Variants in DAB1 observed in about 807,000 individuals in gnomAD.
DAB1 encodes DAB adaptor protein 1.
In DAB1, 15 loss-of-function variants were observed where a neutral mutation model predicts 64.6. The ratio of observed to expected loss-of-function variants is 0.23; its 90% CI spans 0.16 to 0.36. The LOEUF is 0.36. DAB1 is among the 10% of genes least tolerant of loss of function. The probability of loss-of-function intolerance (pLI) is 1.00; values close to 1 mark genes in which losing one functional copy is unlikely to be tolerated. For synonymous variants in DAB1, 235 were observed against 251.9 expected, an observed-to-expected ratio of 0.93 and a Z score of 0.64; for missense variants, 596 against 706.7, an observed-to-expected ratio of 0.84 and a Z score of 1.78.
At chr1:58,541,843 G>A (rs1364257320) in intron 1 of DAB1, among the ~76,000 whole-genome samples, 2 of 151,958 alleles carry the variant, frequency 1.3e-5, no homozygotes, top group African/African-American at 4.8e-5. Context: ...CACACACAAA[G>A]GACATAAAGT....
At chr1:58,000,565 T>A (rs1570202309) in intron 5 of DAB1, among the ~76,000 whole-genome samples, 2 of 86,684 alleles carry the variant, frequency 2.3e-5, no homozygotes, top group East Asian at 3.2e-4. Flanking sequence ...CTTTTTTGCC[T>A]TTTTTTTTTT....
At chr1:57,964,208 T>G (rs1645597056) in intron 5 of DAB1, among the ~76,000 whole-genome samples, 1 of 152,212 alleles carries the variant, frequency 6.6e-6, no homozygotes, top group Non-Finnish European at 1.5e-5. Context: ...TGTATCATCA[T>G]GCCCTGCAGT....
intron 6 of DAB1, among the ~76,000 whole-genome samples, chr1:57,787,902 T>G (rs1234078832): frequency 2.6e-5 from 4 of 151,638 alleles, no homozygotes; most frequent in African/African-American, 9.7e-5. Context: ...AATAAGCCCA[T>G]GAAAAGATAC....
At chr1:58,163,185 A>C (rs946947636) in intron 4 of DAB1, among the ~76,000 whole-genome samples, 2 of 152,214 alleles carry the variant, frequency 1.3e-5, no homozygotes, top group African/African-American at 4.8e-5. Flanking sequence ...CCTAAGAGGG[A>C]GCCAGTGGAC....
chr1:58,398,543 G>A (rs1393567377), intron 3 of DAB1, among the ~76,000 whole-genome samples: 1 of 152,234 alleles, frequency 6.6e-6, no homozygotes, highest in Non-Finnish European at 1.5e-5. Context: ...AGATCGTAGA[G>A]TATAATAACC....
chr1:57,565,028 G>A (rs1488532238), intron 7 of DAB1, among the ~76,000 whole-genome samples: 1 of 152,180 alleles, frequency 6.6e-6, no homozygotes, highest in African/African-American at 2.4e-5. Context: ...AGAGAGAAAG[G>A]TCGGGTTACC....
In DAB1 at chr1:57,695,367, A is replaced by G. The variant is rs1379172861; in HGVS notation, n.552-45702T>C. Among the ~76,000 whole-genome samples the G allele has an allele frequency of 9.6e-4, 41 of 42,920 alleles. 2 individuals are homozygous for G. Among genetic ancestry groups the G allele is most frequent in the African/African-American group, 5.4e-3 (39 of 7,278 alleles). 28.2% of individuals were successfully genotyped at this position (42,920 alleles called of 152,430 possible). A position where few individuals can be genotyped will look rare whatever the true frequency, so the allele number is the denominator to read the frequency against. ...AAGAAAGAAAGAAAAGAAAGAAGAA[A>G]GAAAGAAAGAAAGAAAGAAAGAAAG... On this transcript the variant is annotated intron_variant and non_coding_transcript_variant, in intron 6 of 20. Coordinates refer to the DAB1 transcript ENST00000485760.
At chr1:57,107,105 T>C (rs1240740354) in intron 4 of DAB1, among the ~76,000 whole-genome samples, 2 of 152,086 alleles carry the variant, frequency 1.3e-5, no homozygotes, top group Non-Finnish European at 2.9e-5. Flanking sequence ...CCAGGCATGG[T>C]GGCTCACGCC....
chr1:57,367,043 C>T (rs562957593), intron 1 of DAB1, among the ~76,000 whole-genome samples: 97 of 91,702 alleles, frequency 1.1e-3, no homozygotes, highest in East Asian at 0.01. Context: ...CCTGTCTCCA[C>T]AAAATAAAAT....
At chr1:58,032,595 G>C (rs1646987682) in intron 5 of DAB1, among the ~76,000 whole-genome samples, 1 of 152,158 alleles carries the variant, frequency 6.6e-6, no homozygotes, top group Admixed American at 6.5e-5. Flanking sequence ...AGCAGGAGTT[G>C]TCATCTGTGT....
chr1:57,281,529 G>A (rs1671892470), intron 2 of DAB1, among the ~76,000 whole-genome samples: 1 of 152,272 alleles, frequency 6.6e-6, no homozygotes, highest in East Asian at 1.9e-4. Flanking sequence ...CAAGAGTGGT[G>A]AGGAATGCGC....
At chr1:57,984,784 T>G (rs2764674) in intron 5 of DAB1, among the ~76,000 whole-genome samples, 131,036 of 152,148 alleles carry the variant, frequency 0.86, 56,956 homozygotes, top group South Asian at 0.94. Context: ...CTGTTTCTTT[T>G]CTTCCCAAAT....
intron 4 of DAB1, among the ~76,000 whole-genome samples, chr1:57,099,668 T>G (rs1366453375): frequency 1.3e-5 from 2 of 152,218 alleles, no homozygotes; most frequent in East Asian, 3.8e-4. Context: ...TAAACCCTGA[T>G]GCAAGAGCAT....
intron 5 of DAB1, among the ~76,000 whole-genome samples, chr1:58,132,026 C>T (rs1399323341): frequency 6.6e-6 from 1 of 152,138 alleles, no homozygotes; most frequent in African/African-American, 2.4e-5. Flanking sequence ...CCTAATCAAG[C>T]CTGGGCAATG....
chr1:57,440,757 C>G (rs1685911596), intron 7 of DAB1, among the ~76,000 whole-genome samples: 1 of 152,112 alleles, frequency 6.6e-6, no homozygotes, highest in Admixed American at 6.6e-5. Context: ...AGTCCAGAGT[C>G]TCTTCTGTAT....
At chr1:57,381,381 T>C (rs1681360891) in intron 1 of DAB1, among the ~76,000 whole-genome samples, 1 of 152,198 alleles carries the variant, frequency 6.6e-6, no homozygotes, top group African/African-American at 2.4e-5. Context: ...GTAATTACAT[T>C]GGAGTCCACA....
At chr1:57,451,410 T>A (rs568792792) in intron 7 of DAB1, among the ~76,000 whole-genome samples, 1 of 152,230 alleles carries the variant, frequency 6.6e-6, no homozygotes, top group Non-Finnish European at 1.5e-5. Context: ...AGTGAGAATC[T>A]TTTTTAGTGG....
intron 5 of DAB1, among the ~76,000 whole-genome samples, chr1:58,051,399 T>A (rs1647658218): frequency 6.6e-6 from 1 of 152,210 alleles, no homozygotes; most frequent in South Asian, 2.1e-4. Flanking sequence ...TATGGCTGCA[T>A]AGTATTCCAT....
intron 7 of DAB1, among the ~76,000 whole-genome samples, chr1:57,453,114 G>T (rs2101158865): frequency 6.6e-6 from 1 of 152,146 alleles, no homozygotes; most frequent in Middle Eastern, 3.4e-3. Context: ...AAACTAAGAA[G>T]ATACAGACAT....
Sources: allele counts gnomAD v4.1 joint callset (sites outside exome capture counted in the v4.1 genomes callset), GRCh38; gene constraint gnomAD v4.1.1; transcripts MANE v1.5; gene names NCBI Gene and HGNC (gene_info 2026-07-23, HGNC 2026-07-21).